Variants in SPATA9 observed in about 807,000 individuals in gnomAD.
SPATA9 encodes spermatogenesis associated 9.
In SPATA9, 27 loss-of-function variants were observed where a neutral mutation model predicts 25.5. The ratio of observed to expected loss-of-function variants is 1.06; its 90% CI spans 0.78 to 1.46. The LOEUF (loss-of-function observed/expected upper bound fraction) is 1.46, where lower values mean the gene tolerates loss of function less well. Among genes scored for constraint, SPATA9 ranks in the 40% most tolerant of loss-of-function variants. The probability of loss-of-function intolerance (pLI) is 0.00; values close to 1 mark genes in which losing one functional copy is unlikely to be tolerated. For missense variants in SPATA9, 282 were observed against 297.5 expected (o/e 0.95, Z 0.38); for synonymous variants, 102 against 105.7 (o/e 0.97, Z 0.21).
chr5:95,664,196 A>C, intron 3 of SPATA9, 148 bp from the exon 4 acceptor site: 1 of 461,064 alleles, frequency 2.2e-6, no homozygotes, highest in Non-Finnish European at 3.9e-6. Flanking sequence ...CACATTGTGA[A>C]AATTATTTTT....
chr5:95,703,933 T>C, the SPATA9 span, among the ~76,000 whole-genome samples: 2,011 of 152,268 alleles, frequency 0.013, 42 homozygotes, highest in African/African-American at 0.044. Context: ...AAATGGACTT[T>C]TTCATTTTAT....
intron 3 of SPATA9, among the ~76,000 whole-genome samples, chr5:95,667,859 C>T (rs1162872330): frequency 6.6e-6 from 1 of 152,088 alleles, no homozygotes; most frequent in Non-Finnish European, 1.5e-5. Flanking sequence ...AACACCATCC[C>T]CCCTTGGTGC....
At chr5:95,710,690 G>C in the SPATA9 span, among the ~76,000 whole-genome samples, 1 of 152,178 alleles carries the variant, frequency 6.6e-6, no homozygotes, top group African/African-American at 2.4e-5. Context: ...GCCTTTTTCA[G>C]GTTTCGAAAA....
chr5:95,718,153 T>G, the SPATA9 span, among the ~76,000 whole-genome samples: 5 of 152,304 alleles, frequency 3.3e-5, no homozygotes, highest in East Asian at 9.6e-4. Flanking sequence ...AAAAGATACT[T>G]TCCCTCTTTT....
the SPATA9 span, among the ~76,000 whole-genome samples, chr5:95,712,133 A>C: frequency 6.6e-6 from 1 of 152,208 alleles, no homozygotes; most frequent in African/African-American, 2.4e-5. Context: ...ACTGGACAAC[A>C]ATTACATGTA....
intron 1 of SPATA9, among the ~76,000 whole-genome samples, chr5:95,693,510 A>G (rs1372955662): frequency 6.6e-6 from 1 of 152,250 alleles, no homozygotes; most frequent in Non-Finnish European, 1.5e-5. Context: ...TATGAAGCTC[A>G]AAAACATTTA....
chr5:95,731,893 GAC>G, the SPATA9 span: 3 of 1,613,812 alleles, frequency 1.9e-6, no homozygotes, highest in Non-Finnish European at 2.5e-6. Flanking sequence ...GAACGAGGGG[GAC>G]ACATTCCACC....
the SPATA9 span, among the ~76,000 whole-genome samples, chr5:95,724,050 A>G: frequency 6.6e-6 from 1 of 152,244 alleles, no homozygotes; most frequent in Non-Finnish European, 1.5e-5. Context: ...CGATACATAC[A>G]TTATGAAATT....
upstream of SPATA9, among the ~76,000 whole-genome samples, chr5:95,683,342 A>G (rs1753611522): frequency 6.6e-6 from 1 of 152,176 alleles, no homozygotes; most frequent in African/African-American, 2.4e-5. Flanking sequence ...ACCAATGAGG[A>G]TCACTAGGTC....
intron 1 of SPATA9, among the ~76,000 whole-genome samples, chr5:95,688,231 TA>T (rs1313363726): frequency 4.6e-5 from 7 of 152,144 alleles, no homozygotes; most frequent in Non-Finnish European, 1.0e-4. Flanking sequence ...TATTCAGCCA[TA>T]AAAAAGAATG....
At chr5:95,677,604 G>GT (rs922824515) in intron 2 of SPATA9, among the ~76,000 whole-genome samples, 4 of 151,916 alleles carry the variant, frequency 2.6e-5, no homozygotes, top group African/African-American at 7.2e-5. Flanking sequence ...CTTCTTAGCA[G>GT]TTTTTTTTCA....
chr5:95,657,427 A>G (rs2112532698), downstream of SPATA9: 1 of 151,838 alleles, frequency 6.6e-6, no homozygotes, highest in South Asian at 2.1e-4. Context: ...AAAAATCACC[A>G]CTATGTGGGA....
In SPATA9 at chr5:95,695,774, G is replaced by A. The variant is rs567092316; in HGVS notation, n.124+2814C>T. Among the ~76,000 whole-genome samples the A allele has an allele frequency of 3.9e-5, 6 of 152,280 alleles. No homozygotes were observed. In the South Asian group the frequency reaches 1.2e-3, roughly 32 times the overall value. On this transcript the variant is annotated intron_variant and non_coding_transcript_variant, in intron 1 of 2. Transcript: ENST00000379990. ...TATGCAGCTTCTTAGATAGCCCAGT[G>A]ATCCCTGCCTCCTGGTCTTCATGCC...
intron 1 of SPATA9, among the ~76,000 whole-genome samples, chr5:95,694,540 C>T (rs1430925378): frequency 6.6e-6 from 1 of 152,128 alleles, no homozygotes; most frequent in African/African-American, 2.4e-5. Flanking sequence ...CTTTTAAACC[C>T]AACATTGCCA....
chr5:95,710,536 C>T, the SPATA9 span, among the ~76,000 whole-genome samples: 2 of 152,194 alleles, frequency 1.3e-5, no homozygotes, highest in Non-Finnish European at 2.9e-5. Flanking sequence ...GGGATCCAGT[C>T]TCTTAGATAA....
intron 2 of SPATA9, among the ~76,000 whole-genome samples, chr5:95,681,550 T>A (rs1753459263): frequency 6.6e-6 from 1 of 152,198 alleles, no homozygotes; most frequent in African/African-American, 2.4e-5. Context: ...ATGCAATTAC[T>A]CCTTTACAAC....
Position 95,675,483 on chromosome 5 carries a change from C to A in SPATA9, c.307G>T (p.Glu103Ter). ...AGACGACCAGATATGTCCCTTAGCTCTAAAAGTCTGCATGCAAGCTGAGGA... is the reference window on the plus strand; with the variant it reads ...AGACGACCAGATATGTCCCTTAGCTATAAAAGTCTGCATGCAAGCTGAGGA... ...LHPQLACRLL[E>*]LRDISGRLLR... is the part of the protein sequence containing the mutation. The change falls in exon 3 of 5, where the codon GAG (glutamate) becomes TAG (stop). Residue 103 changes from glutamate to a stop codon, truncating the protein, a stop_gained. Coordinates refer to ENST00000274432, the MANE Select transcript of SPATA9 (RefSeq NM_031952.4). LOFTEE classifies it high-confidence loss of function. The A allele has an allele frequency of 1.9e-6, 3 of 1,614,168 alleles. No homozygotes were observed. The South Asian group carries it at 3.3e-5, about 18-fold the overall frequency.
chr5:95,669,564 G>A (rs931688573), intron 3 of SPATA9, among the ~76,000 whole-genome samples: 3 of 152,126 alleles, frequency 2.0e-5, no homozygotes, highest in African/African-American at 4.8e-5. Context: ...ATACCATGCC[G>A]CAGTATGCAT....
chr5:95,708,766 C>A, the SPATA9 span: 2 of 629,622 alleles, frequency 3.2e-6, no homozygotes, highest in Non-Finnish European at 2.9e-6. Context: ...GAACAGTGCA[C>A]ATAGATCGAC....
Sources: allele counts gnomAD v4.1 joint callset (sites outside exome capture counted in the v4.1 genomes callset), GRCh38; gene constraint gnomAD v4.1.1; transcripts MANE v1.5; gene names NCBI Gene and HGNC (gene_info 2026-07-23, HGNC 2026-07-21).